The following PTPRE variants were observed in gnomAD, a reference collection of about 807,000 sequenced individuals.
The protein encoded by PTPRE is protein tyrosine phosphatase receptor type E.
A neutral mutation model predicts 102.0 loss-of-function variants in PTPRE; 51 were observed. The observed-to-expected ratio is 0.50, with a 90% confidence interval of 0.40 to 0.63. The LOEUF is 0.63. Among genes scored for constraint, PTPRE ranks in the 30% least tolerant of loss-of-function variants. The probability of loss-of-function intolerance (pLI) is 0.00; values close to 1 mark genes in which losing one functional copy is unlikely to be tolerated. For missense variants in PTPRE, 752 were observed against 915.1 expected (o/e 0.82, Z 2.30); for synonymous variants, 345 against 348.2 (o/e 0.99, Z 0.10).
intron 2 of PTPRE, among the ~76,000 whole-genome samples, chr10:128,020,098 C>A (rs149934284): frequency 2.5e-3 from 381 of 152,050 alleles, no homozygotes; most frequent in Middle Eastern, 0.01. Context: ...ACGCTGGACA[C>A]AGGGCTGTGG....
At chr10:128,025,317 C>G (rs1390624894) in intron 2 of PTPRE, among the ~76,000 whole-genome samples, 3 of 152,152 alleles carry the variant, frequency 2.0e-5, no homozygotes, top group Non-Finnish European at 4.4e-5. Context: ...AGTGCTGTAA[C>G]TCCCCAGTGA....
intron 1 of PTPRE, among the ~76,000 whole-genome samples, chr10:127,921,144 G>A (rs927487905): frequency 5.9e-5 from 9 of 152,216 alleles, no homozygotes; most frequent in African/African-American, 1.9e-4. Flanking sequence ...TGAAATACTC[G>A]TTACGATAAT....
chr10:128,026,327 C>T (rs976646917), intron 2 of PTPRE, among the ~76,000 whole-genome samples: 1 of 152,250 alleles, frequency 6.6e-6, no homozygotes, highest in Non-Finnish European at 1.5e-5. Flanking sequence ...TGGCGAGAGG[C>T]CCCCTGCACG....
At chr10:127,917,030 CTG>C (rs1450334917) in intron 1 of PTPRE, among the ~76,000 whole-genome samples, 1 of 151,966 alleles carries the variant, frequency 6.6e-6, no homozygotes, top group African/African-American at 2.4e-5. Flanking sequence ...CCCCTGCTGG[CTG>C]TGTGTGGAAA....
intron 10 of PTPRE, 49 bp from the exon 11 acceptor site, chr10:128,066,026 T>G (rs1390529576): frequency 6.2e-7 from 1 of 1,613,996 alleles, no homozygotes; most frequent in Admixed American, 1.7e-5. Flanking sequence ...GATGTCATGA[T>G]GCATTGCACC....
chr10:127,936,766 G>A (rs1205510024), intron 1 of PTPRE, among the ~76,000 whole-genome samples: 5 of 152,142 alleles, frequency 3.3e-5, no homozygotes, highest in South Asian at 2.1e-4. Context: ...GCTGAAACCC[G>A]GGGCTCGTGG....
chr10:128,024,389 A>G (rs1266764854), intron 2 of PTPRE, among the ~76,000 whole-genome samples: 1 of 152,208 alleles, frequency 6.6e-6, no homozygotes, highest in Non-Finnish European at 1.5e-5. Flanking sequence ...GTATGGCTTT[A>G]GGGTCTGAGA....
intron 8 of PTPRE, among the ~76,000 whole-genome samples, chr10:128,061,411 A>G (rs1039721416): frequency 6.6e-6 from 1 of 152,200 alleles, no homozygotes; most frequent in African/African-American, 2.4e-5. Context: ...GTACATGTTC[A>G]CCCAATTAGA....
intron 10 of PTPRE, among the ~76,000 whole-genome samples, chr10:128,065,735 T>G (rs1564952168): frequency 6.6e-6 from 1 of 152,064 alleles, no homozygotes; most frequent in Non-Finnish European, 1.5e-5. Flanking sequence ...TCACTTGGAG[T>G]TAGGTGCCCA....
At chr10:127,939,893 A>C (rs1197717762) in intron 1 of PTPRE, among the ~76,000 whole-genome samples, 2 of 131,940 alleles carry the variant, frequency 1.5e-5, no homozygotes, top group African/African-American at 5.9e-5. Context: ...GAAGCAGGTG[A>C]GGGCAGATGC....
chr10:128,022,349 G>A (rs1845961156), intron 2 of PTPRE, among the ~76,000 whole-genome samples: 2 of 152,238 alleles, frequency 1.3e-5, no homozygotes, highest in South Asian at 4.1e-4. Context: ...TGTGAAAGTG[G>A]GAGCTGTGCT....
intron 4 of PTPRE, 23 bp from the exon 5 acceptor site, chr10:128,047,741 C>G: frequency 1.2e-6 from 2 of 1,612,386 alleles, no homozygotes; most frequent in Non-Finnish European, 1.7e-6. Flanking sequence ...GTGTGGAAAC[C>G]TAACGCATCC....
rs988099211 is a variant in PTPRE, at chr10:128,008,147, G to A, written c.-8+25851G>A. On this transcript the variant is annotated intron_variant, in intron 2 of 20. Coordinates refer to ENST00000254667, the MANE Select transcript of PTPRE (RefSeq NM_006504.6). This position sits in a 1 kb window ranked among gnomAD's most constrained non-coding sequence, Gnocchi z 4.0. Reference sequence around the variant, plus strand: ...GCAGAGTCCCCTGCCCAGGGTACATGCCCCTGGGAAAACTGCCCAAGGGAA... The same window carrying A: ...GCAGAGTCCCCTGCCCAGGGTACATACCCCTGGGAAAACTGCCCAAGGGAA... 1.3e-5 allele frequency among the ~76,000 whole-genome samples: 2 copies of A among 152,128 alleles called. No homozygotes were observed. The highest frequency in any genetic ancestry group is 6.5e-5 in the Admixed American group (1 of 15,278).
intron 1 of PTPRE, among the ~76,000 whole-genome samples, chr10:127,973,200 C>G (rs1230075012): frequency 2.0e-5 from 3 of 152,178 alleles, no homozygotes; most frequent in African/African-American, 7.2e-5. Flanking sequence ...TACTGGTTCA[C>G]AGAACTTTTT....
chr10:128,031,360 A>G (rs1590071868), intron 2 of PTPRE, among the ~76,000 whole-genome samples: 1 of 152,100 alleles, frequency 6.6e-6, no homozygotes, highest in Non-Finnish European at 1.5e-5. Context: ...GAGGGGCTGC[A>G]GGCCTCAGCT....
At chr10:128,038,081 A>G (rs910986930) in intron 2 of PTPRE, among the ~76,000 whole-genome samples, 5 of 151,330 alleles carry the variant, frequency 3.3e-5, no homozygotes, top group Non-Finnish European at 5.9e-5. Context: ...GATTACAGGC[A>G]TGAGCCACCG....
chr10:128,015,754 T>G (rs1392642079), intron 2 of PTPRE, among the ~76,000 whole-genome samples: 1 of 152,148 alleles, frequency 6.6e-6, no homozygotes, highest in Non-Finnish European at 1.5e-5. Context: ...GAGGTTACAG[T>G]GAGCTATGAT....
At chr10:127,975,496 C>T (rs1424016560) in intron 1 of PTPRE, among the ~76,000 whole-genome samples, 3 of 152,244 alleles carry the variant, frequency 2.0e-5, no homozygotes, top group East Asian at 1.9e-4. Context: ...CACAGGTTAC[C>T]GTGGACAGCC....
rs531152549 is a variant in PTPRE, at chr10:128,008,008, CA to C, written c.-8+25713del. On this transcript the variant is annotated intron_variant, in intron 2 of 20. Transcript: ENST00000254667. The surrounding 1 kb of genome is among the most constrained non-coding windows in gnomAD (Gnocchi z 4.0). ...AGGGATGGAACCCCGAGCTTCTCAT[CA>C]CACCTGCTGCTTACAGGGGTTGCAC... Among the ~76,000 whole-genome samples the C allele has an allele frequency of 2.6e-3, 396 of 152,292 alleles. 3 individuals carry two copies. The highest frequency in any genetic ancestry group is 8.7e-3 in the African/African-American group (362 of 41,552).
Sources: gnomAD v4.1 joint callset for allele counts (sites outside exome capture counted in the v4.1 genomes callset) on GRCh38, gnomAD v4.1.1 for gene constraint, Gnocchi (gnomAD v3.1) non-coding constraint, MANE v1.5 for transcripts, NCBI Gene and HGNC (gene_info 2026-07-23, HGNC 2026-07-21) for gene names.